The following SLC24A3 variants were observed in gnomAD, a reference collection of about 807,000 sequenced individuals.
The protein encoded by SLC24A3 is solute carrier family 24 member 3, also known as sodium/potassium/calcium exchanger 3.
In SLC24A3, 28 loss-of-function variants were observed where a neutral mutation model predicts 75.8. That is an observed-to-expected ratio of 0.37 (90% CI 0.27 to 0.51). SLC24A3 has a LOEUF of 0.51. Ranked by LOEUF, SLC24A3 falls within the 20% of genes least tolerant of loss-of-function variation. The probability of loss-of-function intolerance (pLI) is 0.94; values close to 1 mark genes in which losing one functional copy is unlikely to be tolerated. For missense variants in SLC24A3, 663 were observed against 847.8 expected (o/e 0.78, Z 2.71); for synonymous variants, 372 against 334.1 (o/e 1.11, Z -1.24).
intron 2 of SLC24A3, among the ~76,000 whole-genome samples, chr20:19,469,239 G>A (rs1466751585): frequency 1.3e-5 from 2 of 152,124 alleles, no homozygotes; most frequent in Non-Finnish European, 2.9e-5. Context: ...ACTGGGAAGG[G>A]TGGCGTAGGA....
chr20:19,630,297 A>G (rs1288551786), intron 6 of SLC24A3, among the ~76,000 whole-genome samples: 1 of 152,258 alleles, frequency 6.6e-6, no homozygotes, highest in Non-Finnish European at 1.5e-5. Flanking sequence ...TAATAATCAC[A>G]TTAATAACAG....
chr20:19,252,977 G>A (rs1049675850), intron 1 of SLC24A3, among the ~76,000 whole-genome samples: 2 of 152,172 alleles, frequency 1.3e-5, no homozygotes, highest in African/African-American at 2.4e-5. Flanking sequence ...TGGGTGCTTC[G>A]CCTGTTGGAG....
At chr20:19,604,734 C>T (rs754872689) in intron 6 of SLC24A3, among the ~76,000 whole-genome samples, 8 of 152,140 alleles carry the variant, frequency 5.3e-5, no homozygotes, top group Non-Finnish European at 1.2e-4. Flanking sequence ...TTTGAGTGTT[C>T]GCTCAAATCC....
At position 19,299,173 on chromosome 20, in the gene SLC24A3, C is replaced by T. The variant is rs963502248; in HGVS notation, c.271+18086C>T. The stretch of plus-strand genomic sequence containing the variant: ...CAGAAGACCACATAATAGTTCTTCC[C>T]CTTCGTGTGTGTGTGTGTGTGTGTA... On this transcript the variant is annotated intron_variant, in intron 2 of 16. Coordinates refer to ENST00000328041, the MANE Select transcript of SLC24A3 (RefSeq NM_020689.4). Among the ~76,000 whole-genome samples, 4 of 138,094 alleles carry T rather than the reference C, an allele frequency of 2.9e-5. No individual in the cohort carries two copies. The Admixed American group carries it at 3.1e-4, about 11-fold the overall frequency. The allele number at this position is 138,094 out of a possible 152,430, so 90.6% of individuals were successfully genotyped here.
intron 2 of SLC24A3, among the ~76,000 whole-genome samples, chr20:19,285,347 G>A (rs2122229188): frequency 6.6e-6 from 1 of 151,924 alleles, no homozygotes; most frequent in East Asian, 1.9e-4. Flanking sequence ...TCGTGGTGGT[G>A]TGAGTCTGTG....
chr20:19,306,952 C>A (rs1430766414), intron 2 of SLC24A3, among the ~76,000 whole-genome samples: 1 of 152,246 alleles, frequency 6.6e-6, no homozygotes, highest in African/African-American at 2.4e-5. Flanking sequence ...TTACGTTTCA[C>A]TGACCTTTCC....
At chr20:19,506,441 A>T (rs989035453) in intron 2 of SLC24A3, among the ~76,000 whole-genome samples, 16 of 152,176 alleles carry the variant, frequency 1.1e-4, no homozygotes, top group African/African-American at 3.6e-4. Context: ...CCTTAAAAAA[A>T]CAAGAAAAAA....
At chr20:19,288,456 G>A (rs994748379) in intron 2 of SLC24A3, among the ~76,000 whole-genome samples, 4 of 152,186 alleles carry the variant, frequency 2.6e-5, no homozygotes, top group African/African-American at 9.7e-5. Flanking sequence ...GCCTAATTTG[G>A]TGAGTGGTGT....
At chr20:19,458,720 T>C (rs1600237803) in intron 2 of SLC24A3, among the ~76,000 whole-genome samples, 1 of 152,228 alleles carries the variant, frequency 6.6e-6, no homozygotes, top group South Asian at 2.1e-4. Context: ...TTCCATTTTA[T>C]ATACATCCCA....
At chr20:19,229,341 C>G (rs1255380802) in intron 1 of SLC24A3, among the ~76,000 whole-genome samples, 1 of 151,948 alleles carries the variant, frequency 6.6e-6, no homozygotes, top group Non-Finnish European at 1.5e-5. Context: ...TTCCCTGAGT[C>G]AGTAAAGCTT....
chr20:19,355,797 T>C (rs1465459320), intron 2 of SLC24A3, among the ~76,000 whole-genome samples: 2 of 150,394 alleles, frequency 1.3e-5, no homozygotes, highest in East Asian at 3.8e-4. Context: ...TGAGCATAAA[T>C]GCTATTTTGA....
intron 2 of SLC24A3, among the ~76,000 whole-genome samples, chr20:19,323,439 G>A (rs1464738065): frequency 6.6e-6 from 1 of 152,134 alleles, no homozygotes. Context: ...ACTATAGTGG[G>A]TGTTTCTGGC....
rs113255889 is a variant in SLC24A3, at chr20:19,212,869, C to G, written c.27C>G (p.Arg9=). The G allele has an allele frequency of 2.4e-6, 3 of 1,241,482 alleles. No homozygotes were observed. The highest frequency in any genetic ancestry group is 3.0e-6 in the Non-Finnish European group (3 of 986,986). 76.9% of individuals were successfully genotyped at this position (1,241,482 alleles called of 1,614,324 possible). Residue 9 remains arginine (R), a synonymous_variant, in exon 1 of 17, where the codon CGC becomes CGG. Transcript: ENST00000328041. ...TGCGGCCGTCCGGCGACGAGGACCGCGCGCGTCGCCGCCGCCGCCGCCGCC... is the reference window on the plus strand; with the variant it reads ...TGCGGCCGTCCGGCGACGAGGACCGGGCGCGTCGCCGCCGCCGCCGCCGCC... The part of the protein sequence containing the change: MRPSGDED[R]ARRRRRRRRR...
intron 1 of SLC24A3, among the ~76,000 whole-genome samples, chr20:19,239,823 G>A (rs1244755463): frequency 6.6e-6 from 1 of 152,188 alleles, no homozygotes; most frequent in Non-Finnish European, 1.5e-5. Flanking sequence ...AAACTGCCTG[G>A]ACACAACCCA....
intron 2 of SLC24A3, among the ~76,000 whole-genome samples, chr20:19,488,668 C>T (rs1006289678): frequency 3.9e-5 from 6 of 152,194 alleles, no homozygotes; most frequent in Middle Eastern, 3.2e-3. Flanking sequence ...ATCTGAAATA[C>T]GCAGGACCAG....
chr20:19,213,471 C>G (rs1981465614), intron 1 of SLC24A3: 3 of 152,520 alleles, frequency 2.0e-5, no homozygotes, highest in Admixed American at 1.3e-4. Flanking sequence ...GAGTAGAGAG[C>G]TCTTCAACCC....
chr20:19,592,319 T>C (rs956665253), intron 6 of SLC24A3, among the ~76,000 whole-genome samples: 7 of 152,214 alleles, frequency 4.6e-5, no homozygotes, highest in African/African-American at 1.7e-4. Flanking sequence ...CTTCTTATTA[T>C]ATTGTCCAGG....
chr20:19,462,877 C>T (rs1204503457), intron 2 of SLC24A3, among the ~76,000 whole-genome samples: 1 of 152,188 alleles, frequency 6.6e-6, no homozygotes, highest in Non-Finnish European at 1.5e-5. Flanking sequence ...GCTGGACTAT[C>T]TATCCCTGGC....
chr20:19,410,699 A>G (rs1420186776), intron 2 of SLC24A3, among the ~76,000 whole-genome samples: 11 of 152,202 alleles, frequency 7.2e-5, no homozygotes. Flanking sequence ...GGCACATAAT[A>G]GGTGCTCAGT....
Sources: allele counts gnomAD v4.1 joint callset (sites outside exome capture counted in the v4.1 genomes callset), GRCh38; gene constraint gnomAD v4.1.1; transcripts MANE v1.5; gene names NCBI Gene and HGNC (gene_info 2026-07-23, HGNC 2026-07-21).